Variants in DGKB observed in about 807,000 individuals in gnomAD.
DGKB encodes diacylglycerol kinase beta, also known as 90 kDa diacylglycerol kinase.
DGKB carries 67 observed loss-of-function variants against 114.3 expected under a neutral mutation model. The observed-to-expected ratio is 0.59, with a 90% CI of 0.48 to 0.72. The LOEUF (loss-of-function observed/expected upper bound fraction) is 0.72, where lower values mean the gene tolerates loss of function less well. Ranked by LOEUF, DGKB falls within the 30% of genes least tolerant of loss-of-function variation. The pLI, the probability that DGKB is intolerant of heterozygous loss-of-function variation, is 0.00. For synonymous variants in DGKB, 398 were observed against 323.1 expected, an observed-to-expected ratio of 1.23 and a Z score of -2.49; for missense variants, 907 against 975.2, an observed-to-expected ratio of 0.93 and a Z score of 0.93.
chr7:14,424,099 C>T (rs568754617), intron 21 of DGKB, among the ~76,000 whole-genome samples: 5 of 152,176 alleles, frequency 3.3e-5, no homozygotes, highest in South Asian at 2.1e-4. Flanking sequence ...TTACTCTCTA[C>T]GTCTTCCATG....
intron 1 of DGKB, among the ~76,000 whole-genome samples, chr7:14,861,570 A>G (rs1253171907): frequency 1.3e-5 from 2 of 151,994 alleles, no homozygotes; most frequent in African/African-American, 2.4e-5. Context: ...GAAATAGAAC[A>G]TTACCAGCAC....
intron 23 of DGKB, among the ~76,000 whole-genome samples, chr7:14,292,890 A>G (rs1801981013): frequency 6.6e-6 from 1 of 152,164 alleles, no homozygotes; most frequent in Non-Finnish European, 1.5e-5. Flanking sequence ...CCTGTTTCAT[A>G]TTGGCCATTT....
chr7:14,851,120 C>G (rs1185003212), intron 1 of DGKB, among the ~76,000 whole-genome samples: 2 of 152,044 alleles, frequency 1.3e-5, no homozygotes, highest in Non-Finnish European at 2.9e-5. Flanking sequence ...GACATATATA[C>G]AGTACATATA....
chr7:14,226,853 T>A (rs1790881184), intron 23 of DGKB, among the ~76,000 whole-genome samples: 1 of 152,084 alleles, frequency 6.6e-6, no homozygotes, highest in Non-Finnish European at 1.5e-5. Flanking sequence ...ACATTTACTT[T>A]AAATTACATA....
At chr7:14,637,038 G>A (rs1416648216) in intron 13 of DGKB, among the ~76,000 whole-genome samples, 1 of 151,826 alleles carries the variant, frequency 6.6e-6, no homozygotes, top group Non-Finnish European at 1.5e-5. Context: ...AGGGACACAT[G>A]ATACATAGCG....
intron 21 of DGKB, among the ~76,000 whole-genome samples, chr7:14,462,637 A>G (rs183850765): frequency 1.3e-3 from 191 of 152,358 alleles, no homozygotes; most frequent in Middle Eastern, 3.4e-3. Context: ...GGACAGGAAG[A>G]ATCAATATCA....
intron 21 of DGKB, among the ~76,000 whole-genome samples, chr7:14,421,606 G>C (rs1826706802): frequency 6.6e-6 from 1 of 152,028 alleles, no homozygotes; most frequent in South Asian, 2.1e-4. Context: ...AAAAGGAAAT[G>C]TTTTGCCTTT....
At chr7:14,786,764 C>G (rs757343500) in intron 2 of DGKB, among the ~76,000 whole-genome samples, 11 of 152,114 alleles carry the variant, frequency 7.2e-5, no homozygotes, top group Middle Eastern at 3.4e-3. Flanking sequence ...ACCTCAGCCC[C>G]CTCCAGATTT....
intron 21 of DGKB, among the ~76,000 whole-genome samples, chr7:14,367,605 T>C (rs868675678): frequency 5.9e-5 from 9 of 152,030 alleles, no homozygotes; most frequent in Non-Finnish European, 1.2e-4. Flanking sequence ...TACACTAGGC[T>C]AAGCTACGAT....
chr7:14,846,265 T>A (rs1848614435), intron 1 of DGKB, among the ~76,000 whole-genome samples: 1 of 152,188 alleles, frequency 6.6e-6, no homozygotes. Flanking sequence ...AATCCTCTCT[T>A]TCTCACCTTT....
At chr7:14,638,461 T>C (rs1469557356) in intron 13 of DGKB, among the ~76,000 whole-genome samples, 2 of 152,194 alleles carry the variant, frequency 1.3e-5, no homozygotes, top group African/African-American at 4.8e-5. Flanking sequence ...TACTGTCTGA[T>C]ATATTTTTTC....
intron 1 of DGKB, among the ~76,000 whole-genome samples, chr7:14,856,140 G>C (rs1452955170): frequency 3.9e-5 from 6 of 151,930 alleles, no homozygotes; most frequent in African/African-American, 7.2e-5. Flanking sequence ...ATGGCATTAA[G>C]AATACTTTTT....
At chr7:14,606,409 G>C (rs1804517301) in intron 17 of DGKB, among the ~76,000 whole-genome samples, 1 of 152,054 alleles carries the variant, frequency 6.6e-6, no homozygotes, top group Non-Finnish European at 1.5e-5. Context: ...CAGCAAGGCA[G>C]TAGAAGAAAG....
At chr7:14,513,197 G>A (rs1320746677) in intron 20 of DGKB, among the ~76,000 whole-genome samples, 1 of 152,028 alleles carries the variant, frequency 6.6e-6, no homozygotes, top group Non-Finnish European at 1.5e-5. Flanking sequence ...GATTAAGACA[G>A]AACCCATACT....
At chr7:14,314,245 G>A (rs1159971656) in intron 23 of DGKB, among the ~76,000 whole-genome samples, 3 of 152,140 alleles carry the variant, frequency 2.0e-5, no homozygotes, top group Admixed American at 6.5e-5. Context: ...CCAAAGGAAC[G>A]CAGCTCCTCA....
intron 17 of DGKB, among the ~76,000 whole-genome samples, chr7:14,592,790 C>G (rs10259510): frequency 0.57 from 86,315 of 151,126 alleles, 25,670 homozygotes; most frequent in African/African-American, 0.75. Flanking sequence ...GATGTTTTAT[C>G]AATTTAATGT....
At chr7:14,668,515 C>T (rs1818432489) in intron 13 of DGKB, among the ~76,000 whole-genome samples, 1 of 152,056 alleles carries the variant, frequency 6.6e-6, no homozygotes, top group Non-Finnish European at 1.5e-5. Context: ...CTCTTTGTTT[C>T]TCAGTTTCCT....
chr7:14,451,172 A>G (rs1360428496), intron 21 of DGKB, among the ~76,000 whole-genome samples: 1 of 151,918 alleles, frequency 6.6e-6, no homozygotes, highest in Non-Finnish European at 1.5e-5. Flanking sequence ...GTTAAACATT[A>G]CTCTGTGTGT....
intron 23 of DGKB, among the ~76,000 whole-genome samples, chr7:14,184,534 A>T (rs1024081112): frequency 6.6e-6 from 1 of 151,960 alleles, no homozygotes; most frequent in East Asian, 1.9e-4. Flanking sequence ...AACCTGCATG[A>T]CTCAGCAGAG....
Sources: gnomAD v4.1 joint callset for allele counts (sites outside exome capture counted in the v4.1 genomes callset) on GRCh38, gnomAD v4.1.1 for gene constraint, MANE v1.5 for transcripts, NCBI Gene and HGNC (gene_info 2026-07-23, HGNC 2026-07-21) for gene names.